Variants in NAV1 observed in about 807,000 individuals in gnomAD.
NAV1 encodes the protein neuron navigator 1.
Under a neutral mutation model 175.2 loss-of-function variants are expected in NAV1, and 18 were observed. The observed-to-expected ratio is 0.10, with a 90% CI of 0.07 to 0.15. The LOEUF (loss-of-function observed/expected upper bound fraction) is 0.15. Ranked by LOEUF, NAV1 falls within the 10% of genes least tolerant of loss-of-function variation. The probability of loss-of-function intolerance (pLI) is 1.00; values close to 1 mark genes in which losing one functional copy is unlikely to be tolerated. For missense variants in NAV1, 1,731 were observed against 2,436.6 expected (o/e 0.71, Z 6.10); for synonymous variants, 897 against 978.7 (o/e 0.92, Z 1.56).
At chr1:201,604,742 GAA>G (rs1409840915) in intron 2 of NAV1, among the ~76,000 whole-genome samples, 9 of 147,828 alleles carry the variant, frequency 6.1e-5, no homozygotes, top group Non-Finnish European at 8.9e-5. Flanking sequence ...AAGAAAGAAA[GAA>G]AGAGAGAGAG....
At chr1:201,582,421 T>C (rs1042168919) in intron 1 of NAV1, among the ~76,000 whole-genome samples, 1 of 152,158 alleles carries the variant, frequency 6.6e-6, no homozygotes, top group African/African-American at 2.4e-5. Flanking sequence ...CCAAAGGGAC[T>C]TGGATATTGC....
chr1:201,556,440 T>A (rs1344286276), intron 1 of NAV1, among the ~76,000 whole-genome samples: 6 of 145,956 alleles, frequency 4.1e-5, no homozygotes, highest in Non-Finnish European at 7.5e-5. Flanking sequence ...AAAAAAAAGG[T>A]CTGGTAAGCA....
chr1:201,744,682 G>C lies in NAV1; in HGVS notation c.1226+25927G>C, dbSNP rs372671781. Among the ~76,000 whole-genome samples, 5 of 152,288 alleles carry C rather than the reference G, an allele frequency of 3.3e-5. No homozygotes were observed. The South Asian group carries it at 8.3e-4, about 25-fold the overall frequency. On this transcript the variant is annotated intron_variant, in intron 3 of 29. Coordinates refer to ENST00000367296, the Ensembl canonical transcript of NAV1. The stretch of plus-strand genomic sequence containing the variant: ...TTGAGTGGTCCTGGAGAGCTTCCTA[G>C]AGGAGGCAGCATTTTCTTTAGGGCT...
chr1:201,625,731 T>A (rs1388580298), intron 1 of NAV1, among the ~76,000 whole-genome samples: 5 of 152,258 alleles, frequency 3.3e-5, no homozygotes, highest in African/African-American at 1.2e-4. Flanking sequence ...CCCTTCATTT[T>A]GAATTCATTC....
chr1:201,659,315 A>C (rs1236108654), intron 1 of NAV1, among the ~76,000 whole-genome samples: 4 of 152,176 alleles, frequency 2.6e-5, no homozygotes, highest in Non-Finnish European at 4.4e-5. Flanking sequence ...GTTTTAAAGG[A>C]ATATTTATAG....
chr1:201,805,014 G>A (rs1420528867), intron 17 of NAV1, among the ~76,000 whole-genome samples: 1 of 152,140 alleles, frequency 6.6e-6, no homozygotes, highest in Non-Finnish European at 1.5e-5. Flanking sequence ...GCACACTCAA[G>A]TCACCCCAAA....
chr1:201,731,018 G>T (rs902229198), intron 3 of NAV1, among the ~76,000 whole-genome samples: 9 of 152,134 alleles, frequency 5.9e-5, no homozygotes, highest in Admixed American at 5.9e-4. Context: ...CACAGGAAAA[G>T]GCATAAAAGT....
chr1:201,603,073 C>T (rs183012486), intron 2 of NAV1, among the ~76,000 whole-genome samples: 2 of 152,158 alleles, frequency 1.3e-5, no homozygotes, highest in African/African-American at 2.4e-5. Flanking sequence ...CCAGTCCTGG[C>T]GTGAACCTAG....
upstream of NAV1, among the ~76,000 whole-genome samples, chr1:201,622,628 C>T (rs1668206164): frequency 6.6e-6 from 1 of 152,162 alleles, no homozygotes; most frequent in Admixed American, 6.5e-5. Flanking sequence ...CCCATATGTG[C>T]TTGCAGATGA....
At chr1:201,624,089 T>G in intron 1 of NAV1, among the ~76,000 whole-genome samples, 1 of 152,228 alleles carries the variant, frequency 6.6e-6, no homozygotes, top group Non-Finnish European at 1.5e-5. Flanking sequence ...CACTCATACC[T>G]TGTACCTGTC....
At chr1:201,559,404 C>T (rs1666130509) in intron 1 of NAV1, among the ~76,000 whole-genome samples, 1 of 152,126 alleles carries the variant, frequency 6.6e-6, no homozygotes, top group African/African-American at 2.4e-5. Context: ...GAACAGTGCT[C>T]TTCCAACAGT....
At position 201,744,308 on chromosome 1, in the gene NAV1, G is replaced by T. The variant is rs112138805; in HGVS notation, c.1226+25553G>T. ...CCCTAAGGAGCTGACGGCTATGTAT[G>T]TATGTATGTATTTATTTATTTATTT... On this transcript the variant is annotated intron_variant, in intron 3 of 29. Coordinates refer to ENST00000367296, the Ensembl canonical transcript of NAV1. Among the ~76,000 whole-genome samples, 649 of 132,674 alleles carry T rather than the reference G, an allele frequency of 4.9e-3. 5 individuals carry two copies. Among genetic ancestry groups the T allele is most frequent in the African/African-American group, 0.018 (617 of 34,038 alleles). The allele number at this position is 132,674 out of a possible 152,430, so 87.0% of individuals were successfully genotyped here.
chr1:201,802,019 C>A (rs1054080749), intron 15 of NAV1, among the ~76,000 whole-genome samples: 3 of 149,052 alleles, frequency 2.0e-5, no homozygotes, highest in African/African-American at 7.3e-5. Flanking sequence ...CGCCTGTAGT[C>A]CCAGCTACTT....
At chr1:201,765,448 G>A (rs1355009263) in intron 3 of NAV1, among the ~76,000 whole-genome samples, 1 of 123,164 alleles carries the variant, frequency 8.1e-6, no homozygotes, top group African/African-American at 3.1e-5. Context: ...AGGCTGGAAT[G>A]TAGTGGTGCC....
At chr1:201,648,841 A>C (rs763512982) in exon 1 of NAV1, 8 of 1,608,500 alleles carry the variant, frequency 5.0e-6, no homozygotes, top group African/African-American at 1.3e-5. Flanking sequence ...GGCATGGCCA[A>C]GGCCAGCGCG....
Position 201,812,721 on chromosome 1 carries a change from C to A in NAV1, c.5221+60C>A. The A allele has an allele frequency of 7.0e-7, 1 of 1,430,540 alleles. No homozygotes were observed. Among genetic ancestry groups the A allele is most frequent in the Non-Finnish European group, 9.8e-7 (1 of 1,021,532 alleles). The allele number at this position is 1,430,540 out of a possible 1,614,324, so 88.6% of individuals were successfully genotyped here. ...GTGGCTTCCCTTTTCCACTGTACCA[C>A]CTGGAGGGATGCTCCCTTCTCTTCC... On this transcript the variant is annotated intron_variant, in intron 27 of 29. Transcript: ENST00000367296. This position sits in a 1 kb window ranked among gnomAD's most constrained non-coding sequence, Gnocchi z 4.6.
intron 1 of NAV1, among the ~76,000 whole-genome samples, chr1:201,689,926 G>A (rs1670837404): frequency 6.7e-6 from 1 of 150,302 alleles, no homozygotes; most frequent in African/African-American, 2.5e-5. Flanking sequence ...CCTGTCCGTG[G>A]CAGAGTGTGT....
exon 7 of NAV1, chr1:201,783,621 A>G: frequency 1.2e-6 from 2 of 1,614,198 alleles, no homozygotes; most frequent in Non-Finnish European, 8.5e-7. Flanking sequence ...AGCTTCTCCC[A>G]GGGCCTGGAG....
exon 1 of NAV1, chr1:201,623,602 T>C (rs1373783555): frequency 2.0e-6 from 2 of 986,198 alleles, no homozygotes; most frequent in Non-Finnish European, 2.4e-6. Context: ...CCCCTTCCAG[T>C]ACAGGTGAGC....
Sources: allele counts gnomAD v4.1 joint callset (sites outside exome capture counted in the v4.1 genomes callset), GRCh38; gene constraint gnomAD v4.1.1; non-coding constraint Gnocchi (gnomAD v3.1); transcripts MANE v1.5; gene names NCBI Gene and HGNC (gene_info 2026-07-23, HGNC 2026-07-21).